PDK1: variants seen among roughly 807,000 people sequenced by gnomAD.
The protein encoded by PDK1 is [Pyruvate dehydrogenase (acetyl-transferring)] kinase isozyme 1, mitochondrial.
PDK1 carries 39 observed loss-of-function variants against 54.2 expected under a neutral mutation model. The observed-to-expected ratio is 0.72, with a 90% CI of 0.56 to 0.94. PDK1 has a LOEUF of 0.94. Among genes scored for constraint, PDK1 ranks in the 40% least tolerant of loss-of-function variants. The pLI, the probability that PDK1 is intolerant of heterozygous loss-of-function variation, is 0.00. For synonymous variants in PDK1, 221 were observed against 207.1 expected (o/e 1.07, Z -0.58); for missense variants, 552 against 566.0 (o/e 0.98, Z 0.25).
the PDK1 span, among the ~76,000 whole-genome samples, chr2:172,714,371 C>T: frequency 6.6e-6 from 1 of 152,074 alleles, no homozygotes; most frequent in African/African-American, 2.4e-5. Flanking sequence ...TTACATTGTT[C>T]CTGTTTTCCC....
the PDK1 span, among the ~76,000 whole-genome samples, chr2:172,687,921 T>C: frequency 1.3e-5 from 2 of 152,204 alleles, no homozygotes; most frequent in African/African-American, 4.8e-5. Context: ...TAGATTGCAG[T>C]TCAGTGGAAG....
the PDK1 span, among the ~76,000 whole-genome samples, chr2:172,625,504 C>T: frequency 1.1e-4 from 16 of 152,156 alleles, no homozygotes; most frequent in African/African-American, 3.9e-4. Flanking sequence ...TCCTGCTAGT[C>T]CCTGCTATAC....
intron 3 of PDK1, among the ~76,000 whole-genome samples, chr2:172,563,534 C>T (rs1016522143): frequency 6.6e-6 from 1 of 152,116 alleles, no homozygotes; most frequent in African/African-American, 2.4e-5. Flanking sequence ...TTCGTTACTG[C>T]ATAATTAAGA....
rs1174184086 is a variant in PDK1 at position 172,604,671 on chromosome 2, A to C, written c.*8702A>C. On this transcript the variant is annotated 3_prime_UTR_variant, in exon 11 of 11. Transcript: ENST00000282077. ...TGGTGTCCATAATTGAGTAAATGGC[A>C]GTATGTCCAATGGCAACACCATGAA... The C allele has an allele frequency of 1.3e-5, 2 of 152,186 alleles. No individual in the cohort carries two copies. The highest frequency in any genetic ancestry group is 4.8e-5 in the African/African-American group (2 of 41,452). The allele number at this position is 152,186 out of a possible 1,614,324, so 9.4% of individuals were successfully genotyped here. A position where few individuals can be genotyped will look rare whatever the true frequency, so the allele number is the denominator to read the frequency against.
the PDK1 span, among the ~76,000 whole-genome samples, chr2:172,625,476 T>G: frequency 6.6e-6 from 1 of 152,236 alleles, no homozygotes; most frequent in African/African-American, 2.4e-5. Context: ...TTTGTAACTT[T>G]CTTTCTTCAA....
At chr2:172,556,683 G>A in intron 1 of PDK1, 1 of 231,968 alleles carries the variant, frequency 4.3e-6, no homozygotes. Context: ...GAGGCCGAGC[G>A]TGGGCACCCC....
At chr2:172,704,903 A>G in the PDK1 span, among the ~76,000 whole-genome samples, 1 of 152,202 alleles carries the variant, frequency 6.6e-6, no homozygotes, top group Non-Finnish European at 1.5e-5. Flanking sequence ...ATATCAACCG[A>G]ATACAAAGAA....
the PDK1 span, among the ~76,000 whole-genome samples, chr2:172,670,167 G>C: frequency 1.3e-5 from 2 of 152,138 alleles, no homozygotes; most frequent in Non-Finnish European, 2.9e-5. Flanking sequence ...ATTCGCCCAC[G>C]TTAGCCTTCC....
At chr2:172,570,886 A>C in intron 8 of PDK1, 62 bp downstream of exon 8, 1 of 892,356 alleles carries the variant, frequency 1.1e-6, no homozygotes, top group Non-Finnish European at 1.8e-6. Flanking sequence ...ACAGACATGC[A>C]AAGGTAACCA....
In PDK1 at chr2:172,599,975, G is replaced by A. The variant is rs1371578719; in HGVS notation, c.*4006G>A. Reference sequence around the variant, plus strand: ...TAAAATAAACTTCCACGTGAGAGTTGTGTTCATTCAAGGGTTATTTTTTGA... The same window carrying A: ...TAAAATAAACTTCCACGTGAGAGTTATGTTCATTCAAGGGTTATTTTTTGA... On this transcript the variant is annotated 3_prime_UTR_variant, in exon 11 of 11. Coordinates refer to ENST00000282077, the MANE Select transcript of PDK1 (RefSeq NM_002610.5). 6.6e-6 allele frequency: 1 copy of A among 152,192 alleles called. No homozygotes were observed. Among genetic ancestry groups the A allele is most frequent in the East Asian group, 1.9e-4 (1 of 5,200 alleles). 9.4% of individuals were successfully genotyped at this position (152,192 alleles called of 1,614,324 possible).
intron 7 of PDK1, 21 bp from the exon 8 acceptor site, chr2:172,570,705 T>A: frequency 7.1e-7 from 1 of 1,404,846 alleles, no homozygotes; most frequent in South Asian, 1.2e-5. Flanking sequence ...GTATTTTTAA[T>A]ACAACCCTAA....
the PDK1 span, among the ~76,000 whole-genome samples, chr2:172,614,121 T>C: frequency 6.6e-6 from 1 of 151,218 alleles, no homozygotes; most frequent in East Asian, 2.0e-4. Flanking sequence ...CCCTCCCAGG[T>C]GTAGAACCCG....
At chr2:172,643,147 G>T in the PDK1 span, among the ~76,000 whole-genome samples, 1 of 152,166 alleles carries the variant, frequency 6.6e-6, no homozygotes, top group Non-Finnish European at 1.5e-5. Context: ...GGAATGTCAT[G>T]TTTGTTATAA....
chr2:172,663,045 T>C, the PDK1 span, among the ~76,000 whole-genome samples: 49 of 152,164 alleles, frequency 3.2e-4, no homozygotes, highest in Non-Finnish European at 5.7e-4. Flanking sequence ...TTTGCCAGGG[T>C]TAACAACACA....
chr2:172,682,436 G>A, the PDK1 span, among the ~76,000 whole-genome samples: 1 of 152,240 alleles, frequency 6.6e-6, no homozygotes, highest in Non-Finnish European at 1.5e-5. Context: ...CAGTGAGAAT[G>A]ATCCATAGGG....
At chr2:172,695,388 T>G in the PDK1 span, among the ~76,000 whole-genome samples, 1 of 152,152 alleles carries the variant, frequency 6.6e-6, no homozygotes, top group African/African-American at 2.4e-5. Context: ...CCTCTTGTCA[T>G]GCACACAACA....
rs1480740233 is a variant in PDK1, at chr2:172,608,043, G to C, written c.*12074G>C. 6.6e-6 allele frequency: 1 copy of C among 152,154 alleles called. No homozygotes were observed. The highest frequency in any genetic ancestry group is 1.5e-5 in the Non-Finnish European group (1 of 68,032). 9.4% of individuals were successfully genotyped at this position (152,154 alleles called of 1,614,324 possible). A position where few individuals can be genotyped will look rare whatever the true frequency, so the allele number is the denominator to read the frequency against. The stretch of plus-strand genomic sequence containing the variant: ...ATAAAGTTTATTAATAACAGTTTTA[G>C]TTAATACTTGACTGACATTGAGACC... On this transcript the variant is annotated 3_prime_UTR_variant, in exon 11 of 11. Coordinates refer to ENST00000282077, the MANE Select transcript of PDK1 (RefSeq NM_002610.5).
chr2:172,697,217 C>A, the PDK1 span, among the ~76,000 whole-genome samples: 1 of 152,070 alleles, frequency 6.6e-6, no homozygotes, highest in African/African-American at 2.4e-5. Flanking sequence ...ACCCACTGGG[C>A]AAAAATCACT....
chr2:172,642,787 A>C, the PDK1 span, among the ~76,000 whole-genome samples: 1,810 of 144,058 alleles, frequency 0.013, no homozygotes, highest in Non-Finnish European at 0.015. Flanking sequence ...TCCTCCTCCC[A>C]CTCCTCCTCC....
Sources: allele counts gnomAD v4.1 joint callset (sites outside exome capture counted in the v4.1 genomes callset), GRCh38; gene constraint gnomAD v4.1.1; transcripts MANE v1.5; gene names NCBI Gene and HGNC (gene_info 2026-07-23, HGNC 2026-07-21).